PRKN: variants seen among roughly 807,000 people sequenced by gnomAD.
PRKN encodes parkin RBR E3 ubiquitin protein ligase, also known as E3 ubiquitin-protein ligase parkin.
A neutral mutation model predicts 59.5 loss-of-function variants in PRKN; 56 were observed. That is an observed-to-expected ratio of 0.94 (90% CI 0.76 to 1.18). The LOEUF is 1.18. Among genes scored for constraint, PRKN ranks in the 50% most tolerant of loss-of-function variants. The pLI is 0.00. For synonymous variants in PRKN, 250 were observed against 222.1 expected (o/e 1.13, Z -1.12); for missense variants, 657 against 596.4 (o/e 1.10, Z -1.06).
intron 6 of PRKN, among the ~76,000 whole-genome samples, chr6:161,900,845 T>C (rs1355122610): frequency 2.1e-5 from 3 of 141,584 alleles, no homozygotes. Flanking sequence ...ATATTATATA[T>C]AATTACATAT....
At chr6:162,196,243 C>T (rs1024978329) in intron 4 of PRKN, among the ~76,000 whole-genome samples, 1 of 151,992 alleles carries the variant, frequency 6.6e-6, no homozygotes, top group Non-Finnish European at 1.5e-5. Flanking sequence ...CTTACCATTG[C>T]CATGGAGTCA....
At chr6:162,295,755 T>C (rs35264836) in intron 2 of PRKN, among the ~76,000 whole-genome samples, 2,429 of 152,288 alleles carry the variant, frequency 0.016, 34 homozygotes, top group Non-Finnish European at 0.025. Context: ...AGTGGGGCCT[T>C]ACACACAAGC....
chr6:162,208,574 A>G (rs924935646), intron 3 of PRKN, among the ~76,000 whole-genome samples: 7 of 152,138 alleles, frequency 4.6e-5, no homozygotes, highest in African/African-American at 1.7e-4. Flanking sequence ...AATTTCCCAT[A>G]CCAAGACAAA....
chr6:162,281,131 G>T lies in PRKN; in HGVS notation c.172-18366C>A, dbSNP rs557029709. Among the ~76,000 whole-genome samples, 14 of 152,172 alleles carry T rather than the reference G, an allele frequency of 9.2e-5. No homozygotes were observed. The South Asian group carries it at 2.9e-3, about 32-fold the overall frequency. On this transcript the variant is annotated intron_variant, in intron 2 of 11. Transcript: ENST00000366898. ...TGTCTTTTGCAGGGACATGGATGCA[G>T]CTGGAAACCATCATTCTGACAAACT...
rs1051411992 is a variant in PRKN at position 162,695,957 on chromosome 6, G to A, written c.7+31705C>T. ...GGGGCAGTTTTCACTTCTCTGAGCCGAAGATTCACTGCTTGTACAATGGGA... is the reference window on the plus strand; with the variant it reads ...GGGGCAGTTTTCACTTCTCTGAGCCAAAGATTCACTGCTTGTACAATGGGA... On this transcript the variant is annotated intron_variant, in intron 1 of 11. Transcript: ENST00000366898. Among the ~76,000 whole-genome samples, 4 of 152,134 alleles carry A rather than the reference G, an allele frequency of 2.6e-5. 1 individual carries two copies. Among genetic ancestry groups the A allele is most frequent in the Admixed American group, 2.0e-4 (3 of 15,274 alleles).
chr6:161,788,972 A>G (rs1790534951), intron 6 of PRKN, among the ~76,000 whole-genome samples: 1 of 152,212 alleles, frequency 6.6e-6, no homozygotes, highest in Admixed American at 6.5e-5. Context: ...ATAGAAAAGT[A>G]TATATGCTGC....
At chr6:161,403,062 T>C (rs1357644550) in intron 9 of PRKN, among the ~76,000 whole-genome samples, 1 of 152,098 alleles carries the variant, frequency 6.6e-6, no homozygotes, top group Non-Finnish European at 1.5e-5. Flanking sequence ...GCATCATATT[T>C]TGAGGTGGCA....
Position 161,579,017 on chromosome 6 carries a change from G to A in PRKN, c.872-9601C>T, listed in dbSNP as rs146720247. Reference sequence around the variant, plus strand: ...TCAGATCACAAATTTAATTTGGCTGGTCAACACATGAGTGGCCACTGGGAA... The same window carrying A: ...TCAGATCACAAATTTAATTTGGCTGATCAACACATGAGTGGCCACTGGGAA... On this transcript the variant is annotated intron_variant, in intron 7 of 11. Coordinates refer to ENST00000366898, the MANE Select transcript of PRKN (RefSeq NM_004562.3). The surrounding 1 kb of genome is among the most constrained non-coding windows in gnomAD (Gnocchi z 4.2). 6.6e-6 allele frequency among the ~76,000 whole-genome samples: 1 copy of A among 152,290 alleles called. No individual in the cohort carries two copies. Among genetic ancestry groups the A allele is most frequent in the East Asian group, 1.9e-4 (1 of 5,188 alleles).
chr6:161,594,176 A>G (rs1781829389), intron 7 of PRKN, among the ~76,000 whole-genome samples: 1 of 152,008 alleles, frequency 6.6e-6, no homozygotes, highest in Non-Finnish European at 1.5e-5. Flanking sequence ...AAAACAAACA[A>G]AAAAAGAACT....
chr6:162,295,990 A>C (rs1160194525), intron 2 of PRKN, among the ~76,000 whole-genome samples: 2 of 152,228 alleles, frequency 1.3e-5, no homozygotes, highest in African/African-American at 4.8e-5. Flanking sequence ...CATGAAATAA[A>C]AAGATATATC....
intron 6 of PRKN, among the ~76,000 whole-genome samples, chr6:161,806,974 C>T (rs117561907): frequency 6.6e-6 from 1 of 152,138 alleles, no homozygotes; most frequent in Non-Finnish European, 1.5e-5. Context: ...TCCATCTGAA[C>T]CTAATGAGGA....
chr6:161,914,178 A>T lies in PRKN; in HGVS notation c.734+59124T>A, dbSNP rs570559695. On this transcript the variant is annotated intron_variant, in intron 6 of 11. Coordinates refer to ENST00000366898, the MANE Select transcript of PRKN (RefSeq NM_004562.3). The stretch of plus-strand genomic sequence containing the variant: ...TTAACAACCTCATTCAATAATTTGC[A>T]ACACAGCTATACAACGTAACACTGT... 9.2e-4 allele frequency among the ~76,000 whole-genome samples: 140 copies of T among 152,316 alleles called. 1 individual carries two copies. The highest frequency in any genetic ancestry group is 1.5e-3 in the Non-Finnish European group (103 of 68,024).
At chr6:162,470,133 G>A (rs538877654) in intron 1 of PRKN, among the ~76,000 whole-genome samples, 5 of 152,190 alleles carry the variant, frequency 3.3e-5, no homozygotes, top group South Asian at 2.1e-4. Context: ...GGTCTCCCAC[G>A]GCCACTGGGA....
intron 9 of PRKN, among the ~76,000 whole-genome samples, chr6:161,493,921 C>T (rs1326627155): frequency 3.3e-5 from 5 of 152,152 alleles, no homozygotes; most frequent in Non-Finnish European, 7.4e-5. Flanking sequence ...GAACACAGGG[C>T]TATCTCCGCA....
chr6:162,018,134 C>A (rs1049796894), intron 5 of PRKN, among the ~76,000 whole-genome samples: 2 of 152,216 alleles, frequency 1.3e-5, no homozygotes, highest in Non-Finnish European at 2.9e-5. Flanking sequence ...TCACGCCATT[C>A]TCCTCCCTCA....
chr6:162,568,247 C>T (rs1444071361), intron 1 of PRKN: 1 of 179,090 alleles, frequency 5.6e-6, no homozygotes, highest in African/African-American at 2.4e-5. Context: ...GCACAAGCAA[C>T]CAAAGCAAAA....
chr6:162,678,926 C>A (rs1378552191), intron 1 of PRKN, among the ~76,000 whole-genome samples: 1 of 151,934 alleles, frequency 6.6e-6, no homozygotes, highest in African/African-American at 2.4e-5. Context: ...AGGTGCCCAG[C>A]ACCATGCTCA....
intron 3 of PRKN, among the ~76,000 whole-genome samples, chr6:162,245,090 T>C (rs1308667956): frequency 6.6e-6 from 1 of 152,132 alleles, no homozygotes; most frequent in Non-Finnish European, 1.5e-5. Context: ...AATAGGACTA[T>C]TTTAGTTTCA....
intron 6 of PRKN, among the ~76,000 whole-genome samples, chr6:161,898,389 C>G (rs1045284615): frequency 5.9e-5 from 9 of 152,174 alleles, no homozygotes; most frequent in Admixed American, 1.3e-4. Flanking sequence ...CGCATTACAT[C>G]TGTATATTGC....
Sources: gnomAD v4.1 joint callset for allele counts (sites outside exome capture counted in the v4.1 genomes callset) on GRCh38, gnomAD v4.1.1 for gene constraint, Gnocchi (gnomAD v3.1) non-coding constraint, MANE v1.5 for transcripts, NCBI Gene and HGNC (gene_info 2026-07-23, HGNC 2026-07-21) for gene names.